The following UBA7 variants were observed in gnomAD, a reference collection of about 807,000 sequenced individuals.
UBA7 encodes ubiquitin like modifier activating enzyme 7, also known as ubiquitin-like modifier-activating enzyme 7.
A neutral mutation model predicts 113.0 loss-of-function variants in UBA7; 88 were observed. The ratio of observed to expected loss-of-function variants is 0.78; its 90% CI spans 0.66 to 0.93. UBA7 has a LOEUF of 0.93. Among genes scored for constraint, UBA7 ranks in the 40% least tolerant of loss-of-function variants. UBA7 has a pLI of 0.00. For synonymous variants in UBA7, 459 were observed against 513.0 expected (o/e 0.89, Z 1.42); for missense variants, 1,092 against 1,266.4 (o/e 0.86, Z 2.09).
rs1473348435 is a variant in UBA7, at chr3:49,811,388, G to A, written c.1007C>T (p.Pro336Leu). 1 of 1,613,380 alleles carries A rather than the reference G, an allele frequency of 6.2e-7. No homozygotes were observed. The highest frequency in any genetic ancestry group is 1.1e-5 in the South Asian group (1 of 90,914). Residue 336 changes from proline (P) to leucine (L), a missense_variant, in exon 9 of 24, where the codon CCA becomes CTA. Physicochemically the swap from Pro to Leu is moderately conservative, Grantham distance 98. Transcript: ENST00000333486. ...GGCCTCATCCAGTGGCTCTTCCAGT[G>A]GCTCTTCCTCTGTCCGCTTCAGTGG... The part of the protein sequence containing the change: ...LEPLKRTEEE[P>L]LEEPLDEALV...
chr3:49,810,181 G>A lies in UBA7; in HGVS notation c.1636C>T (p.Arg546Cys), dbSNP rs143122035. The A allele has an allele frequency of 3.4e-4, 553 of 1,613,092 alleles. 1 individual carries two copies. The highest frequency in any genetic ancestry group is 1.7e-3 in the African/African-American group (125 of 75,030). The change falls in exon 14 of 24, where the codon CGC (arginine) becomes TGC (cysteine). Residue 546 changes from arginine to cysteine, a missense_variant and splice_region_variant. Arg to Cys is a radical substitution (Grantham distance 180, BLOSUM62 -3). Transcript: ENST00000333486. This position sits in a 1 kb window ranked among gnomAD's most constrained non-coding sequence, Gnocchi z 5.6. ...TGGGTGCAACGAGCAGCCACATAGC[G>A]CCCTGGCAAGGGAGCAGTGGGTCAG... Reference protein sequence around the residue: ...AAALDSFQARRYVAARCTHYL... With the variant: ...AAALDSFQARCYVAARCTHYL...
Position 49,812,426 on chromosome 3 carries a change from G to C in UBA7, c.676C>G (p.Arg226Gly), listed in dbSNP as rs753082476. The C allele has an allele frequency of 1.9e-6, 3 of 1,614,078 alleles. No homozygotes were observed. Among genetic ancestry groups the C allele is most frequent in the Non-Finnish European group, 2.5e-6 (3 of 1,180,040 alleles). Residue 226 changes from arginine to glycine, a missense_variant, in exon 6 of 24, where the codon CGG becomes GGG. Physicochemically the swap from Arg to Gly is moderately radical, Grantham distance 125. Around this residue, in one of 3 missense-constraint regions of UBA7, gnomAD observed 584 missense variants for 714.5 expected, o/e 0.82. Transcript: ENST00000333486. ...GGCTTACCCCGCACGTGGATAGACCGGGGATCACAGTCGTTGAGCTCAACC... is the reference window on the plus strand; with the variant it reads ...GGCTTACCCCGCACGTGGATAGACCCGGGATCACAGTCGTTGAGCTCAACC... ...GMVELNDCDP[R>G]SIHVREDGSL...
intron 8 of UBA7, 142 bp from the exon 9 acceptor site, chr3:49,811,597 C>G: frequency 1.6e-6 from 2 of 1,270,552 alleles, no homozygotes; most frequent in Non-Finnish European, 2.2e-6. Context: ...CTGCTGCCAG[C>G]CTGCACAGCA....
chr3:49,811,120 C>G (rs756004471), intron 9 of UBA7, 29 bp from the exon 10 acceptor site: 2 of 1,610,726 alleles, frequency 1.2e-6, no homozygotes, highest in Admixed American at 1.7e-5. Context: ...GCTGGGCACT[C>G]CTGCCACCTC....
Position 49,805,380 on chromosome 3 carries a change from C to T in UBA7, c.2967G>A (p.Val989=). ...CCTCACAGCTCAGCTCTAGCACCAA[C>T]ACCCGCTGCCCAGGAGCAGGTGCCT... ...TGQAPAPGQR[V]LVLELSCEGD... is the part of the protein sequence containing the mutation. The change falls in exon 24 of 24, where the codon GTG becomes GTA. Residue 989 remains valine (V), a synonymous_variant. Coordinates refer to ENST00000333486, the MANE Select transcript of UBA7 (RefSeq NM_003335.3). 3.7e-6 allele frequency: 6 copies of T among 1,613,898 alleles called. No homozygotes were observed. The highest frequency in any genetic ancestry group is 4.2e-6 in the Non-Finnish European group (5 of 1,179,982).
intron 19 of UBA7, 101 bp from the exon 20 acceptor site, chr3:49,808,213 G>A (rs1057049819): frequency 6.5e-6 from 10 of 1,536,556 alleles, no homozygotes; most frequent in Middle Eastern, 1.7e-4. Flanking sequence ...TCTGTCGGGG[G>A]GTTGCCCCAC....
chr3:49,806,046 G>T, intron 22 of UBA7, 27 bp downstream of exon 22: 1 of 1,577,644 alleles, frequency 6.3e-7, no homozygotes. Flanking sequence ...GGCTGAGCCT[G>T]GGGGTTGGGG....
chr3:49,811,700 G>T, intron 8 of UBA7, 170 bp downstream of exon 8: 1 of 1,248,916 alleles, frequency 8.0e-7, no homozygotes, highest in Non-Finnish European at 1.1e-6. Context: ...TCGGGGTGTA[G>T]CAGGAGTCCC....
Position 49,805,989 on chromosome 3 carries a change from G to T in UBA7, c.2817C>A (p.His939Gln). Residue 939 changes from histidine to glutamine, a missense_variant, in exon 23 of 24, where the codon CAC (histidine) becomes CAA (glutamine). Coordinates refer to ENST00000333486, the MANE Select transcript of UBA7 (RefSeq NM_003335.3). ...GCAGCAGGATCCTCACCCTCAACCC[G>T]TGCTGCTCCTAGAGGAGAAAGGTCA... ...ESLLAHLQEQ[H>Q]GLRVRILLHG... The T allele has an allele frequency of 1.9e-6, 3 of 1,566,638 alleles. No individual in the cohort carries two copies. Among genetic ancestry groups the T allele is most frequent in the Non-Finnish European group, 2.6e-6 (3 of 1,155,526 alleles).
chr3:49,808,125 A>G lies in UBA7; in HGVS notation c.2431-13T>C. On this transcript the variant is annotated splice_polypyrimidine_tract_variant and intron_variant, in intron 19 of 23. Transcript: ENST00000333486. ...TGCTGTCATCATCCTGTAAGGCCCA[A>G]GTCAAAGTAGTGTTAACACTGCAGC... is the stretch of plus-strand genomic sequence containing the variant. 2 of 1,613,296 alleles carry G rather than the reference A, an allele frequency of 1.2e-6. No homozygotes were observed. The highest frequency in any genetic ancestry group is 1.7e-6 in the Non-Finnish European group (2 of 1,179,686).
At chr3:49,808,491 G>C in intron 18 of UBA7, 23 bp from the exon 19 acceptor site, 1 of 1,612,990 alleles carries the variant, frequency 6.2e-7, no homozygotes, top group South Asian at 1.1e-5. Flanking sequence ...GGGATGTTGA[G>C]GCAGTCCTTA....
intron 19 of UBA7, 78 bp downstream of exon 19, chr3:49,808,308 C>T (rs956443812): frequency 2.5e-6 from 4 of 1,591,984 alleles, no homozygotes; most frequent in African/African-American, 2.7e-5. Flanking sequence ...CCAAGGGGCT[C>T]CAAAACTACC....
intron 6 of UBA7, 36 bp downstream of exon 6, chr3:49,812,372 G>C: frequency 6.2e-7 from 1 of 1,613,474 alleles, no homozygotes; most frequent in Non-Finnish European, 8.5e-7. Flanking sequence ...TGGAGGCTTG[G>C]GCCCTGCACC....
Position 49,810,546 on chromosome 3 carries a change from G to C in UBA7, c.1438C>G (p.Gln480Glu). ...DHIERSNLSRQFLFRSQDVGR... is the reference protein window; with the variant it reads ...DHIERSNLSREFLFRSQDVGR... Reference sequence around the variant, plus strand: ...ACGTCCTGGGACCTGAAGAGGAACTGACGGCTGAGATTGGAGCGCTCTATG... The same window carrying C: ...ACGTCCTGGGACCTGAAGAGGAACTCACGGCTGAGATTGGAGCGCTCTATG... Residue 480 changes from glutamine (Q) to glutamate (E), a missense_variant, in exon 12 of 24, where the codon CAG (glutamine) becomes GAG (glutamate). Around this residue, in one of 3 missense-constraint regions of UBA7, gnomAD observed 584 missense variants for 714.5 expected, o/e 0.82. Transcript: ENST00000333486. This position sits in a 1 kb window ranked among gnomAD's most constrained non-coding sequence, Gnocchi z 5.6. 1 of 1,614,190 alleles carries C rather than the reference G, an allele frequency of 6.2e-7. No individual in the cohort carries two copies. The highest frequency in any genetic ancestry group is 8.5e-7 in the Non-Finnish European group (1 of 1,180,026).
intron 18 of UBA7, 81 bp downstream of exon 18, chr3:49,808,895 T>C: frequency 6.6e-7 from 1 of 1,512,898 alleles, no homozygotes. Flanking sequence ...GGCCCTATCT[T>C]CCTTCTGCAG....
In UBA7 at chr3:49,809,670, G is replaced by A. The variant is rs1158634742; in HGVS notation, c.1960C>T (p.Pro654Ser). The A allele has an allele frequency of 6.2e-7, 1 of 1,614,132 alleles. No homozygotes were observed. Among genetic ancestry groups the A allele is most frequent in the East Asian group, 2.2e-5 (1 of 44,884 alleles). The part of the protein sequence containing the change: ...DEPQTLTLLK[P>S]VLGVLRVRPQ... ...CGCACTCTCAGGACCCCAAGCACTG[G>A]CTTCAGTAAGGTGAGTGTCTGTGGC... Residue 654 changes from proline (P) to serine (S), a missense_variant, in exon 16 of 24, where the codon CCA becomes TCA. Transcript: ENST00000333486.
Position 49,810,384 on chromosome 3 carries a change from G to A in UBA7, c.1512C>T (p.Asn504=), listed in dbSNP as rs774469027. The A allele has an allele frequency of 2.2e-5, 35 of 1,614,186 alleles. No homozygotes were observed. Among genetic ancestry groups the A allele is most frequent in the South Asian group, 2.1e-4 (19 of 91,080 alleles). Residue 504 remains asparagine, a synonymous_variant, in exon 13 of 24, where the codon AAC becomes AAT. Coordinates refer to ENST00000333486, the MANE Select transcript of UBA7 (RefSeq NM_003335.3). This position sits in a 1 kb window ranked among gnomAD's most constrained non-coding sequence, Gnocchi z 5.6. ...TGAGCGGGATCACCTGTAAGTCTGG[G>A]TTCAGGCCCCGGGCAGCTGCTGCAG... ...EVAAAAARGL[N]PDLQVIPLTY...
chr3:49,812,359 C>G, intron 6 of UBA7, 49 bp downstream of exon 6: 1 of 1,612,704 alleles, frequency 6.2e-7, no homozygotes, highest in Non-Finnish European at 8.5e-7. Flanking sequence ...TGCTCACTTC[C>G]AGTGGAGGCT....
rs766655643 is a variant in UBA7, at chr3:49,813,043, G to A, written c.467+19C>T. The A allele has an allele frequency of 6.2e-7, 1 of 1,608,674 alleles. No homozygotes were observed. The highest frequency in any genetic ancestry group is 8.5e-7 in the Non-Finnish European group (1 of 1,177,718). ...TTGCTGGCTGTAATATGGTAGGCTG[G>A]GCAGGCAGTCTTACTCACCCCACGA... On this transcript the variant is annotated intron_variant, in intron 4 of 23. Coordinates refer to ENST00000333486, the MANE Select transcript of UBA7 (RefSeq NM_003335.3).
Sources: allele counts gnomAD v4.1 joint callset, GRCh38; gene constraint gnomAD v4.1.1; regional missense constraint gnomAD v4.1.1; non-coding constraint Gnocchi (gnomAD v3.1); transcripts MANE v1.5; gene names NCBI Gene and HGNC (gene_info 2026-07-23, HGNC 2026-07-21).